The following SYT1 variants were observed in gnomAD, a reference collection of about 807,000 sequenced individuals.
SYT1 encodes synaptotagmin-1.
Under a neutral mutation model 44.8 loss-of-function variants are expected in SYT1, and 8 were observed. The observed-to-expected ratio is 0.18, with a 90% CI of 0.10 to 0.32. The LOEUF (loss-of-function observed/expected upper bound fraction) is 0.32. Ranked by LOEUF, SYT1 falls within the 10% of genes least tolerant of loss-of-function variation. The pLI is 1.00. For missense variants in SYT1, 286 were observed against 509.3 expected (o/e 0.56, Z 4.22); for synonymous variants, 154 against 188.8 (o/e 0.82, Z 1.51).
rs1246385310 is a variant in SYT1, at chr12:79,117,710, TATATAA to T, written c.-18+70350_-18+70355del. 3.9e-4 allele frequency among the ~76,000 whole-genome samples: 38 copies of T among 98,460 alleles called. 1 individual carries two copies. Among genetic ancestry groups the T allele is most frequent in the African/African-American group, 7.8e-4 (18 of 23,152 alleles). 64.6% of individuals were successfully genotyped at this position (98,460 alleles called of 152,430 possible). A position where few individuals can be genotyped will look rare whatever the true frequency, so the allele number is the denominator to read the frequency against. On this transcript the variant is annotated intron_variant, in intron 3 of 10. Coordinates refer to ENST00000261205, the MANE Select transcript of SYT1 (RefSeq NM_005639.3). ...ATATATATATATATATATATATATA[TATATAA>T]AATAAATAGGTTGCATACAGAAGAT...
intron 3 of SYT1, among the ~76,000 whole-genome samples, chr12:79,179,512 GATAT>G: frequency 9.9e-6 from 1 of 100,708 alleles, no homozygotes; most frequent in African/African-American, 4.2e-5. Flanking sequence ...TATAGATATA[GATAT>G]ATCTATATAG....
At chr12:79,226,141 T>A (rs1221361365) in intron 4 of SYT1, among the ~76,000 whole-genome samples, 1 of 130,492 alleles carries the variant, frequency 7.7e-6, no homozygotes, top group African/African-American at 3.0e-5. Context: ...GAGGCCTTAA[T>A]ATGCTGACAA....
At chr12:78,993,725 G>T (rs1330804777) in intron 2 of SYT1, among the ~76,000 whole-genome samples, 1 of 152,202 alleles carries the variant, frequency 6.6e-6, no homozygotes, top group Non-Finnish European at 1.5e-5. Flanking sequence ...CTATAAAAAT[G>T]ATGATTTCAT....
At chr12:79,018,541 C>T (rs1221152049) in intron 2 of SYT1, among the ~76,000 whole-genome samples, 2 of 152,022 alleles carry the variant, frequency 1.3e-5, no homozygotes, top group East Asian at 1.9e-4. Context: ...TTATATAAAA[C>T]AAATTCTAAG....
rs376351291 is a variant in SYT1, at chr12:79,217,787, AT to A, written c.166+105del. 2.7e-4 allele frequency: 232 copies of A among 870,034 alleles called. No individual in the cohort carries two copies. The East Asian group carries it at 6.5e-3, about 24-fold the overall frequency. The allele number at this position is 870,034 out of a possible 1,614,324, so 53.9% of individuals were successfully genotyped here. A position where few individuals can be genotyped will look rare whatever the true frequency, so the allele number is the denominator to read the frequency against. On this transcript the variant is annotated intron_variant, in intron 4 of 10. Coordinates refer to ENST00000261205, the MANE Select transcript of SYT1 (RefSeq NM_005639.3). Reference sequence around the variant, plus strand: ...TCCGTTTGATATACTATAAATTTACATTTAATTTATTACTATGGGAATGATA... The same window carrying A: ...TCCGTTTGATATACTATAAATTTACATTAATTTATTACTATGGGAATGATA...
intron 3 of SYT1, among the ~76,000 whole-genome samples, chr12:79,092,388 A>G (rs1194563722): frequency 6.6e-6 from 1 of 151,828 alleles, no homozygotes; most frequent in Non-Finnish European, 1.5e-5. Context: ...TATTGAAATA[A>G]GAATACTCAC....
intron 8 of SYT1, among the ~76,000 whole-genome samples, chr12:79,324,417 C>A (rs940906531): frequency 6.6e-6 from 1 of 152,116 alleles, no homozygotes; most frequent in Non-Finnish European, 1.5e-5. Context: ...TCAATAGACC[C>A]ACATGACCCC....
chr12:79,175,968 G>A (rs1018510559), intron 3 of SYT1, among the ~76,000 whole-genome samples: 7 of 151,936 alleles, frequency 4.6e-5, no homozygotes, highest in African/African-American at 1.7e-4. Context: ...CACACTATTG[G>A]TCCTTAAACT....
intron 3 of SYT1, among the ~76,000 whole-genome samples, chr12:79,193,883 T>A (rs1290840363): frequency 6.6e-6 from 1 of 152,226 alleles, no homozygotes; most frequent in Non-Finnish European, 1.5e-5. Context: ...TTTTCTTACT[T>A]CTTAGGTATT....
At chr12:79,213,345 A>G (rs2138544391) in intron 3 of SYT1, among the ~76,000 whole-genome samples, 1 of 152,238 alleles carries the variant, frequency 6.6e-6, no homozygotes, top group South Asian at 2.1e-4. Context: ...ATAGTTTCCA[A>G]GTCTTTTGAT....
intron 3 of SYT1, among the ~76,000 whole-genome samples, chr12:79,151,829 G>A (rs1308787246): frequency 6.6e-6 from 1 of 152,132 alleles, no homozygotes; most frequent in Non-Finnish European, 1.5e-5. Flanking sequence ...CAAAAAGTAC[G>A]AGGGATGTGC....
chr12:79,027,419 CTG>C (rs1278401439), intron 2 of SYT1, among the ~76,000 whole-genome samples: 2 of 151,570 alleles, frequency 1.3e-5, no homozygotes, highest in Admixed American at 1.3e-4. Context: ...ACTAGAAACA[CTG>C]TCTATCATAT....
intron 1 of SYT1, among the ~76,000 whole-genome samples, chr12:78,869,515 G>A (rs1320601940): frequency 6.6e-6 from 1 of 151,802 alleles, no homozygotes; most frequent in Non-Finnish European, 1.5e-5. Context: ...TGTAGAAATG[G>A]TAAACACTAG....
chr12:79,151,777 C>T (rs1197762249), intron 3 of SYT1, among the ~76,000 whole-genome samples: 1 of 152,168 alleles, frequency 6.6e-6, no homozygotes, highest in Non-Finnish European at 1.5e-5. Context: ...TCCTGGTTCA[C>T]AGCAGGGCAG....
chr12:79,445,990 C>CATAT (rs59721146), intron 10 of SYT1, among the ~76,000 whole-genome samples: 1,316 of 44,064 alleles, frequency 0.03, 68 homozygotes, highest in Non-Finnish European at 0.038. Flanking sequence ...AATCCAAAGA[C>CATAT]ATATATATAT....
chr12:79,241,732 G>A (rs1306787836), intron 4 of SYT1, among the ~76,000 whole-genome samples: 1 of 152,164 alleles, frequency 6.6e-6, no homozygotes, highest in Non-Finnish European at 1.5e-5. Flanking sequence ...GTGTGCTGTG[G>A]GTCGAATCAT....
intron 9 of SYT1, among the ~76,000 whole-genome samples, chr12:79,403,164 A>T (rs1015631118): frequency 1.6e-4 from 25 of 152,212 alleles, no homozygotes; most frequent in African/African-American, 6.0e-4. Context: ...ATAAGGAAAG[A>T]TGTATCTTCA....
chr12:79,200,686 C>T (rs971330673), intron 3 of SYT1, among the ~76,000 whole-genome samples: 13 of 152,152 alleles, frequency 8.5e-5, no homozygotes, highest in African/African-American at 3.1e-4. Context: ...TCAGTCAACA[C>T]TTTCATTCAG....
At chr12:79,329,466 A>G (rs1881759252) in intron 8 of SYT1, among the ~76,000 whole-genome samples, 1 of 152,244 alleles carries the variant, frequency 6.6e-6, no homozygotes, top group Non-Finnish European at 1.5e-5. Context: ...AAACATTTTA[A>G]AATTATTCTT....
Sources: allele counts gnomAD v4.1 joint callset (sites outside exome capture counted in the v4.1 genomes callset), GRCh38; gene constraint gnomAD v4.1.1; transcripts MANE v1.5; gene names NCBI Gene and HGNC (gene_info 2026-07-23, HGNC 2026-07-21).